Variants in SINHCAF observed in about 807,000 individuals in gnomAD.
SINHCAF encodes SIN3-HDAC complex-associated factor.
In SINHCAF, 3 loss-of-function variants were observed where a neutral mutation model predicts 25.8. The observed-to-expected ratio is 0.12, with a 90% CI of 0.05 to 0.30. The LOEUF (loss-of-function observed/expected upper bound fraction) is 0.30. Among genes scored for constraint, SINHCAF ranks in the 10% least tolerant of loss-of-function variants. The pLI is 1.00. For synonymous variants in SINHCAF, 70 were observed against 85.5 expected, an observed-to-expected ratio of 0.82 and a Z score of 1.00; for missense variants, 121 against 262.3, an observed-to-expected ratio of 0.46 and a Z score of 3.72.
chr12:31,295,143 T>A, intron 3 of SINHCAF, 91 bp downstream of exon 3: 1 of 747,274 alleles, frequency 1.3e-6, no homozygotes, highest in Non-Finnish European at 2.2e-6. Context: ...TTTTCTACCC[T>A]AGGGATATAT....
intron 1 of SINHCAF, among the ~76,000 whole-genome samples, chr12:31,306,002 A>T (rs961003901): frequency 3.9e-5 from 6 of 152,116 alleles, no homozygotes; most frequent in Non-Finnish European, 7.4e-5. Context: ...CCCAGCCCCA[A>T]ATTTTACAAA....
At chr12:31,308,406 T>C (rs1324587282) in intron 1 of SINHCAF, among the ~76,000 whole-genome samples, 1 of 152,170 alleles carries the variant, frequency 6.6e-6, no homozygotes, top group Non-Finnish European at 1.5e-5. Context: ...CCCTCTAAGC[T>C]ATTTTTTAGT....
At chr12:31,320,828 CA>C (rs1939668346) in intron 1 of SINHCAF, among the ~76,000 whole-genome samples, 1 of 151,898 alleles carries the variant, frequency 6.6e-6, no homozygotes, top group Non-Finnish European at 1.5e-5. Context: ...CAAGCAGGAG[CA>C]GGGGGAAGGA....
chr12:31,325,210 C>G lies in SINHCAF; in HGVS notation c.-21+814G>C, dbSNP rs570256201. 2.2e-6 allele frequency: 1 copy of G among 456,764 alleles called. No individual in the cohort carries two copies. The highest frequency in any genetic ancestry group is 7.0e-5 in the East Asian group (1 of 14,380). The allele number at this position is 456,764 out of a possible 1,614,324, so 28.3% of individuals were successfully genotyped here. On this transcript the variant is annotated intron_variant, in intron 1 of 5. Transcript: ENST00000337682. The surrounding 1 kb of genome is among the most constrained non-coding windows in gnomAD (Gnocchi z 5.9). ...CCTCGCGGTGTCGCCCACACCTACGCTACAGGTGAACGCACCGGGAGCAAA... is the reference window on the plus strand; with the variant it reads ...CCTCGCGGTGTCGCCCACACCTACGGTACAGGTGAACGCACCGGGAGCAAA...
intron 1 of SINHCAF, among the ~76,000 whole-genome samples, chr12:31,322,144 A>C (rs961797793): frequency 6.6e-6 from 1 of 152,222 alleles, no homozygotes; most frequent in Non-Finnish European, 1.5e-5. Flanking sequence ...AAAGCAATAC[A>C]AAGAGAAGGC....
At chr12:31,298,247 A>G (rs757778005) in intron 1 of SINHCAF, 23 bp from the exon 2 acceptor site, 55 of 1,611,970 alleles carry the variant, frequency 3.4e-5, no homozygotes, top group Non-Finnish European at 4.2e-5. Context: ...GGGAATTGAC[A>G]TATCTTTGTT....
intron 2 of SINHCAF, 56 bp downstream of exon 2, chr12:31,298,021 T>C: frequency 3.3e-6 from 5 of 1,514,310 alleles, no homozygotes; most frequent in Non-Finnish European, 4.5e-6. Flanking sequence ...CAAATATTTC[T>C]GTATGCTGTG....
intron 1 of SINHCAF, chr12:31,303,864 CATT>C (rs1703452830): frequency 6.6e-6 from 1 of 152,152 alleles, no homozygotes; most frequent in South Asian, 2.1e-4. Context: ...TTAAATAGAT[CATT>C]GAGAAGATCA....
chr12:31,281,196 G>C lies in SINHCAF; in HGVS notation c.*1516C>G, dbSNP rs548990344. On this transcript the variant is annotated 3_prime_UTR_variant, in exon 6 of 6. Coordinates refer to ENST00000337682, the MANE Select transcript of SINHCAF (RefSeq NM_001135812.2). ...AGACTGAACTGGCAATGCTTTTCCT[G>C]AACATTTAGAAAAGAGGCAGTAAGA... 2.0e-4 allele frequency: 31 copies of C among 152,234 alleles called. No individual in the cohort carries two copies. Among genetic ancestry groups the C allele is most frequent in the African/African-American group, 7.2e-4 (30 of 41,540 alleles). The allele number at this position is 152,234 out of a possible 1,614,324, so 9.4% of individuals were successfully genotyped here. A position where few individuals can be genotyped will look rare whatever the true frequency, so the allele number is the denominator to read the frequency against.
chr12:31,321,992 GAA>G (rs199859013), intron 1 of SINHCAF, among the ~76,000 whole-genome samples: 10 of 142,078 alleles, frequency 7.0e-5, no homozygotes, highest in African/African-American at 1.9e-4. Flanking sequence ...CACTCTGGGG[GAA>G]AAAAAAAAAA....
intron 1 of SINHCAF, chr12:31,302,796 C>T (rs1337365438): frequency 6.2e-6 from 2 of 321,310 alleles, no homozygotes; most frequent in African/African-American, 2.3e-5. Flanking sequence ...CAGGGTCTGG[C>T]GGAAGGATGA....
intron 1 of SINHCAF, 174 bp from the exon 2 acceptor site, chr12:31,298,398 C>G: frequency 3.2e-6 from 2 of 623,556 alleles, no homozygotes. Context: ...ACTATCAAGG[C>G]AAGCGTATAA....
intron 4 of SINHCAF, among the ~76,000 whole-genome samples, chr12:31,289,950 G>C (rs1938236348): frequency 6.6e-6 from 1 of 151,360 alleles, no homozygotes; most frequent in East Asian, 2.0e-4. Context: ...TCAGTCTCCT[G>C]AGTAGCTGGG....
At chr12:31,323,057 C>T (rs992838926) in intron 1 of SINHCAF, among the ~76,000 whole-genome samples, 5 of 152,014 alleles carry the variant, frequency 3.3e-5, no homozygotes, top group Admixed American at 6.5e-5. Flanking sequence ...TGAGCAGCTT[C>T]CTCCCCAGCC....
chr12:31,285,418 T>TACACATACAC (rs1555110958), intron 5 of SINHCAF, among the ~76,000 whole-genome samples: 3 of 141,356 alleles, frequency 2.1e-5, no homozygotes, highest in Admixed American at 1.4e-4. Context: ...TATATATACA[T>TACACATACAC]ACACACACAC....
rs1383726469 is a variant in SINHCAF at position 31,281,062 on chromosome 12, C to G, written c.*1650G>C. 6.6e-6 allele frequency: 1 copy of G among 152,078 alleles called. No individual in the cohort carries two copies. The highest frequency in any genetic ancestry group is 1.9e-4 in the East Asian group (1 of 5,198). The allele number at this position is 152,078 out of a possible 1,614,324, so 9.4% of individuals were successfully genotyped here. A position where few individuals can be genotyped will look rare whatever the true frequency, so the allele number is the denominator to read the frequency against. On this transcript the variant is annotated 3_prime_UTR_variant, in exon 6 of 6. Coordinates refer to ENST00000337682, the MANE Select transcript of SINHCAF (RefSeq NM_001135812.2). ...ACTACAGGGTGCCTATAAAAGGTGG[C>G]TTACTCCTTATTGTTATTATACTAT...
chr12:31,294,418 G>A lies in SINHCAF; in HGVS notation c.229-487C>T, dbSNP rs141457464. Among the ~76,000 whole-genome samples, 921 of 152,258 alleles carry A rather than the reference G, an allele frequency of 6.0e-3. 12 individuals carry two copies. The highest frequency in any genetic ancestry group is 0.021 in the African/African-American group (874 of 41,552). On this transcript the variant is annotated intron_variant, in intron 3 of 5. Coordinates refer to ENST00000337682, the MANE Select transcript of SINHCAF (RefSeq NM_001135812.2). ...TCACCAAGCGAGTAAATGGGTAAGA[G>A]GGGTGGAGAGGGGAGAAGATTGGAA... is the stretch of plus-strand genomic sequence containing the variant.
chr12:31,323,277 G>C lies in SINHCAF; in HGVS notation c.-21+2747C>G, dbSNP rs149313957. Among the ~76,000 whole-genome samples, 783 of 152,214 alleles carry C rather than the reference G, an allele frequency of 5.1e-3. 5 individuals are homozygous for C. Among genetic ancestry groups the C allele is most frequent in the Middle Eastern group, 0.017 (5 of 294 alleles). On this transcript the variant is annotated intron_variant, in intron 1 of 5. Transcript: ENST00000337682. ...AAACTCCACCAGAAACAAACTCCCA[G>C]ACTTTTAGATTGGGCAACTAAATGT...
intron 1 of SINHCAF, chr12:31,311,841 C>T (rs1366783866): frequency 2.1e-6 from 1 of 479,020 alleles, no homozygotes. Context: ...GGAATGTTGT[C>T]CCAGCGTTGA....
Sources: gnomAD v4.1 joint callset for allele counts (sites outside exome capture counted in the v4.1 genomes callset) on GRCh38, gnomAD v4.1.1 for gene constraint, Gnocchi (gnomAD v3.1) non-coding constraint, MANE v1.5 for transcripts, NCBI Gene and HGNC (gene_info 2026-07-23, HGNC 2026-07-21) for gene names.